NCS1: variants seen among roughly 807,000 people sequenced by gnomAD.
NCS1 encodes the protein frequenin homolog.
A neutral mutation model predicts 28.4 loss-of-function variants in NCS1; 6 were observed. The observed-to-expected ratio is 0.21, with a 90% CI of 0.12 to 0.42. The LOEUF is 0.42. Ranked by LOEUF, NCS1 falls within the 10% of genes least tolerant of loss-of-function variation. The pLI is 1.00. For synonymous variants in NCS1, 86 were observed against 99.3 expected, an observed-to-expected ratio of 0.87 and a Z score of 0.79; for missense variants, 131 against 241.4, an observed-to-expected ratio of 0.54 and a Z score of 3.03.
At chr9:130,182,375 C>G (rs2131118366) in intron 1 of NCS1, among the ~76,000 whole-genome samples, 1 of 152,318 alleles carries the variant, frequency 6.6e-6, no homozygotes, top group East Asian at 1.9e-4. Context: ...CGCCCAGTCC[C>G]TGGGAGCATC....
At chr9:130,210,384 G>C (rs1400721502) in intron 2 of NCS1, among the ~76,000 whole-genome samples, 5 of 146,012 alleles carry the variant, frequency 3.4e-5, no homozygotes, top group Non-Finnish European at 7.5e-5. Context: ...GGGTGACAGA[G>C]TGAGACTCAG....
chr9:130,176,167 T>C (rs951518554), intron 1 of NCS1, among the ~76,000 whole-genome samples: 3 of 80,726 alleles, frequency 3.7e-5, no homozygotes, highest in African/African-American at 1.6e-4. Flanking sequence ...TCTTTCTTTC[T>C]TTCTTTCTTT....
chr9:130,231,205 G>T (rs1833497171), intron 7 of NCS1, among the ~76,000 whole-genome samples: 1 of 151,956 alleles, frequency 6.6e-6, no homozygotes, highest in African/African-American at 2.4e-5. Flanking sequence ...ACAAAAATTA[G>T]CTGGGTGTGG....
chr9:130,209,444 C>T lies in NCS1; in HGVS notation c.90-8388C>T, dbSNP rs1554908487. ...AACTAGAGGCCAAAGTGGAGTTGGA[C>T]CCGTGTGTCCTGGGAGCATTCAATC... On this transcript the variant is annotated intron_variant, in intron 2 of 7. Transcript: ENST00000372398. The surrounding 1 kb of genome is among the most constrained non-coding windows in gnomAD (Gnocchi z 4.4). Among the ~76,000 whole-genome samples, 1 of 152,182 alleles carries T rather than the reference C, an allele frequency of 6.6e-6. No homozygotes were observed. Among genetic ancestry groups the T allele is most frequent in the Non-Finnish European group, 1.5e-5 (1 of 68,026 alleles).
At chr9:130,202,611 G>A (rs771420554) in intron 2 of NCS1, among the ~76,000 whole-genome samples, 6 of 143,888 alleles carry the variant, frequency 4.2e-5, no homozygotes, top group East Asian at 2.0e-4. Context: ...GGAGTCTCTC[G>A]CTCTGCCACC....
chr9:130,206,413 T>C, intron 2 of NCS1, among the ~76,000 whole-genome samples: 1 of 147,570 alleles, frequency 6.8e-6, no homozygotes, highest in Admixed American at 6.7e-5. Flanking sequence ...CTTTTTTTTT[T>C]TTTTTTTTTT....
At chr9:130,201,094 G>A in intron 2 of NCS1, 112 bp downstream of exon 2, 1 of 1,415,794 alleles carries the variant, frequency 7.1e-7, no homozygotes, top group Non-Finnish European at 1.0e-6. Flanking sequence ...ATGTGGAGGG[G>A]CCCCTGAGCG....
In NCS1 at chr9:130,183,717, C is replaced by T. The variant is rs542396642; in HGVS notation, c.64+10990C>T. 2.2e-5 allele frequency among the ~76,000 whole-genome samples: 3 copies of T among 135,742 alleles called. No homozygotes were observed. The South Asian group carries it at 6.8e-4, about 31-fold the overall frequency. The allele number at this position is 135,742 out of a possible 152,430, so 89.1% of individuals were successfully genotyped here. The stretch of plus-strand genomic sequence containing the variant: ...TTTCTTTTTTTCTCTCTCTCCCTTC[C>T]TTCCTTCTTTCTCTCTCTCTTCCTT... On this transcript the variant is annotated intron_variant, in intron 1 of 7. Coordinates refer to ENST00000372398, the MANE Select transcript of NCS1 (RefSeq NM_014286.4).
At position 130,219,190 on chromosome 9, in the gene NCS1, C is replaced by T. The variant is rs1300735404; in HGVS notation, c.229-535C>T. ...TCTCTGTACCCCCTGCTGCTGGCAC[C>T]GTGGAGGTTTCTATTCTATCCCATC... On this transcript the variant is annotated intron_variant, in intron 3 of 7. Transcript: ENST00000372398. This position sits in a 1 kb window ranked among gnomAD's most constrained non-coding sequence, Gnocchi z 5.7. Among the ~76,000 whole-genome samples, 1 of 152,120 alleles carries T rather than the reference C, an allele frequency of 6.6e-6. No homozygotes were observed. The highest frequency in any genetic ancestry group is 2.1e-4 in the South Asian group (1 of 4,830).
rs149601902 is a variant in NCS1, at chr9:130,231,776, C to A, written c.*18-1214C>A. Among the ~76,000 whole-genome samples, 85 of 151,898 alleles carry A rather than the reference C, an allele frequency of 5.6e-4. No individual in the cohort carries two copies. In the East Asian group the frequency reaches 0.013, roughly 23 times the overall value. On this transcript the variant is annotated intron_variant, in intron 7 of 7. Transcript: ENST00000372398. ...CTATGTTTAACTTTTTGAGGAACCACCAAACTGATCTCCAAACTAGTGACA... is the reference window on the plus strand; with the variant it reads ...CTATGTTTAACTTTTTGAGGAACCAACAAACTGATCTCCAAACTAGTGACA...
At chr9:130,208,318 T>G (rs928638461) in intron 2 of NCS1, among the ~76,000 whole-genome samples, 1 of 152,038 alleles carries the variant, frequency 6.6e-6, no homozygotes, top group Non-Finnish European at 1.5e-5. Flanking sequence ...CTCGCTTGGT[T>G]GCCCAGGCTG....
intron 2 of NCS1, among the ~76,000 whole-genome samples, chr9:130,213,379 A>G (rs1375081464): frequency 9.3e-5 from 13 of 139,960 alleles, no homozygotes; most frequent in Admixed American, 7.0e-4. Flanking sequence ...CTGGGTTCTC[A>G]CCATTCTCCT....
At chr9:130,188,686 C>T (rs1417829126) in intron 1 of NCS1, among the ~76,000 whole-genome samples, 1 of 151,846 alleles carries the variant, frequency 6.6e-6, no homozygotes, top group Non-Finnish European at 1.5e-5. Flanking sequence ...GCTGGGATTA[C>T]AGGCATGAGC....
At chr9:130,185,154 C>T (rs142362266) in intron 1 of NCS1, among the ~76,000 whole-genome samples, 245 of 152,312 alleles carry the variant, frequency 1.6e-3, no homozygotes, top group African/African-American at 5.6e-3. Flanking sequence ...TCCTTGGGCC[C>T]GGCCTCCTCC....
intron 1 of NCS1, among the ~76,000 whole-genome samples, chr9:130,185,992 G>A (rs1167171773): frequency 1.3e-5 from 2 of 152,242 alleles, no homozygotes; most frequent in Non-Finnish European, 2.9e-5. Context: ...AGGTTCTGTG[G>A]AGCTGGGGAC....
Position 130,194,112 on chromosome 9 carries a change from C to T in NCS1, c.65-6846C>T, listed in dbSNP as rs113596658. 7.8e-3 allele frequency among the ~76,000 whole-genome samples: 1,194 copies of T among 152,302 alleles called. 13 individuals are homozygous for T. The highest frequency in any genetic ancestry group is 0.027 in the African/African-American group (1,123 of 41,570). ...CGTCCATGCCTCTAGCTGAAGCCAGCGCCGGGAGGGGGCTGCCAGCCCCTG... is the reference window on the plus strand; with the variant it reads ...CGTCCATGCCTCTAGCTGAAGCCAGTGCCGGGAGGGGGCTGCCAGCCCCTG... On this transcript the variant is annotated intron_variant, in intron 1 of 7. Coordinates refer to ENST00000372398, the MANE Select transcript of NCS1 (RefSeq NM_014286.4).
At chr9:130,184,195 T>C (rs969593477) in intron 1 of NCS1, among the ~76,000 whole-genome samples, 1 of 152,154 alleles carries the variant, frequency 6.6e-6, no homozygotes, top group Admixed American at 6.5e-5. Flanking sequence ...TCCTTTGCTC[T>C]CCACTTCTAG....
At chr9:130,202,366 C>G (rs1410174818) in intron 2 of NCS1, among the ~76,000 whole-genome samples, 1 of 133,478 alleles carries the variant, frequency 7.5e-6, no homozygotes, top group African/African-American at 2.8e-5. Flanking sequence ...CCCCTGAAAC[C>G]CCCCAGGCCT....
Position 130,201,574 on chromosome 9 carries a change from G to A in NCS1, c.89+592G>A, listed in dbSNP as rs150996580. The stretch of plus-strand genomic sequence containing the variant: ...GGGGGAGGAGGGCGGTGTATTGTCC[G>A]TCTTTGTGGAATGTGGAGCAGACAG... On this transcript the variant is annotated intron_variant, in intron 2 of 7. Coordinates refer to ENST00000372398, the MANE Select transcript of NCS1 (RefSeq NM_014286.4). Among the ~76,000 whole-genome samples, 8 of 152,246 alleles carry A rather than the reference G, an allele frequency of 5.3e-5. No homozygotes were observed. The East Asian group carries it at 5.8e-4, about 11-fold the overall frequency.
Sources: allele counts gnomAD v4.1 joint callset (sites outside exome capture counted in the v4.1 genomes callset), GRCh38; gene constraint gnomAD v4.1.1; non-coding constraint Gnocchi (gnomAD v3.1); transcripts MANE v1.5; gene names NCBI Gene and HGNC (gene_info 2026-07-23, HGNC 2026-07-21).